Variants in C12orf42 observed in about 807,000 individuals in gnomAD.
C12orf42 encodes chromosome 12 open reading frame 42, also known as uncharacterized protein C12orf42.
C12orf42 carries 25 observed loss-of-function variants against 21.6 expected under a neutral mutation model. The observed-to-expected ratio is 1.16, with a 90% confidence interval of 0.84 to 1.62. The LOEUF (loss-of-function observed/expected upper bound fraction) is 1.62. Ranked by LOEUF, C12orf42 falls within the 40% of genes most tolerant of loss-of-function variation. The probability of loss-of-function intolerance (pLI) is 0.00; values close to 1 mark genes in which losing one functional copy is unlikely to be tolerated. For missense variants in C12orf42, 483 were observed against 459.3 expected (o/e 1.05, Z -0.47); for synonymous variants, 174 against 175.0 (o/e 0.99, Z 0.05).
the C12orf42 span, among the ~76,000 whole-genome samples, chr12:103,163,264 A>T: frequency 1.3e-5 from 2 of 152,236 alleles, no homozygotes; most frequent in Non-Finnish European, 2.9e-5. Flanking sequence ...GGCTAAATTG[A>T]TCCTGCTTCA....
chr12:103,425,932 C>T (rs7301460), intron 2 of C12orf42, among the ~76,000 whole-genome samples: 91,927 of 151,768 alleles, frequency 0.61, 29,258 homozygotes, highest in Admixed American at 0.72. Context: ...CAAAAAAGGA[C>T]GTCCACACAA....
At chr12:103,203,883 G>A in the C12orf42 span, among the ~76,000 whole-genome samples, 2 of 152,114 alleles carry the variant, frequency 1.3e-5, no homozygotes, top group African/African-American at 4.8e-5. Context: ...GCCAGAGAAT[G>A]GCAAAGATGT....
At chr12:103,115,730 T>G in the C12orf42 span, among the ~76,000 whole-genome samples, 1 of 152,216 alleles carries the variant, frequency 6.6e-6, no homozygotes, top group Non-Finnish European at 1.5e-5. Flanking sequence ...GACCCAGGCT[T>G]GCTTTTGTGA....
chr12:103,448,777 A>C (rs374334163), intron 2 of C12orf42, among the ~76,000 whole-genome samples: 3 of 149,714 alleles, frequency 2.0e-5, no homozygotes, highest in Non-Finnish European at 4.5e-5. Flanking sequence ...TGAAAAAATT[A>C]AAAAAAAAAT....
At chr12:103,146,560 A>AAAAGAAAGAAAGAAAGAAAGAATG in the C12orf42 span, among the ~76,000 whole-genome samples, 27 of 120,054 alleles carry the variant, frequency 2.2e-4, no homozygotes, top group Admixed American at 2.3e-3. Context: ...ATAAAGAAAG[A>AAAAGAAAGAAAGAAAGAAAGAATG]AAAGAAAGAA....
chr12:103,361,878 A>C (rs753485390), intron 4 of C12orf42, among the ~76,000 whole-genome samples: 2 of 152,010 alleles, frequency 1.3e-5, no homozygotes, highest in Non-Finnish European at 2.9e-5. Context: ...CTAAGTTCAG[A>C]CACACCTAAC....
intron 4 of C12orf42, among the ~76,000 whole-genome samples, chr12:103,296,326 G>A (rs1176518742): frequency 2.0e-5 from 3 of 152,018 alleles, no homozygotes; most frequent in African/African-American, 4.8e-5. Context: ...ATACACACAC[G>A]TGTGCATGTG....
At chr12:103,506,970 TA>T in the C12orf42 span, among the ~76,000 whole-genome samples, 13 of 6,508 alleles carry the variant, frequency 2.0e-3, 2 homozygotes, top group African/African-American at 0.03. Context: ...ATATTATATA[TA>T]AAATATATAT....
the C12orf42 span, among the ~76,000 whole-genome samples, chr12:103,214,537 CA>C: frequency 6.6e-6 from 1 of 152,004 alleles, no homozygotes; most frequent in Non-Finnish European, 1.5e-5. Flanking sequence ...CATCCTAATT[CA>C]AAAGACGGGC....
chr12:103,156,320 C>T, the C12orf42 span: 1 of 151,862 alleles, frequency 6.6e-6, no homozygotes, highest in East Asian at 1.9e-4. Flanking sequence ...ATGGTGGTTG[C>T]ATTTGGGGGT....
chr12:103,255,762 GAATATAT>G (rs537112824), intron 10 of C12orf42, among the ~76,000 whole-genome samples: 213 of 151,578 alleles, frequency 1.4e-3, no homozygotes, highest in African/African-American at 4.8e-3. Flanking sequence ...CTATTATAAA[GAATATAT>G]GGCCGGGCGC....
the C12orf42 span, among the ~76,000 whole-genome samples, chr12:103,079,144 A>G: frequency 6.6e-6 from 1 of 152,096 alleles, no homozygotes; most frequent in Non-Finnish European, 1.5e-5. Flanking sequence ...TGATATCAAA[A>G]AGTTTAAAAA....
the C12orf42 span, among the ~76,000 whole-genome samples, chr12:103,512,555 AATAAG>A: frequency 6.6e-6 from 1 of 152,238 alleles, no homozygotes; most frequent in Non-Finnish European, 1.5e-5. Flanking sequence ...CTATGCATGT[AATAAG>A]ATATCACATA....
intron 4 of C12orf42, among the ~76,000 whole-genome samples, chr12:103,349,961 T>A (rs928428132): frequency 6.6e-6 from 1 of 152,178 alleles, no homozygotes; most frequent in African/African-American, 2.4e-5. Context: ...TACTTTTTCA[T>A]GAATTTTTCA....
chr12:103,513,245 A>C, the C12orf42 span, among the ~76,000 whole-genome samples: 1 of 152,190 alleles, frequency 6.6e-6, no homozygotes, highest in African/African-American at 2.4e-5. Context: ...CTAGGGAAAA[A>C]GAACTCTCTT....
chr12:103,189,984 T>TAC, the C12orf42 span, among the ~76,000 whole-genome samples: 36 of 151,320 alleles, frequency 2.4e-4, no homozygotes, highest in African/African-American at 5.8e-4. Flanking sequence ...TATATATATA[T>TAC]ACACACACAC....
chr12:103,485,376 C>T (rs1954764056), intron 1 of C12orf42, among the ~76,000 whole-genome samples: 2 of 152,102 alleles, frequency 1.3e-5, no homozygotes, highest in African/African-American at 4.8e-5. Flanking sequence ...TTACTGTAGC[C>T]TTGTAGTTTA....
the C12orf42 span, among the ~76,000 whole-genome samples, chr12:103,150,428 G>A: frequency 6.6e-6 from 1 of 152,210 alleles, no homozygotes; most frequent in South Asian, 2.1e-4. Flanking sequence ...TTCTGAAAGT[G>A]ATTAGGTAAA....
At chr12:103,181,295 T>A in the C12orf42 span, among the ~76,000 whole-genome samples, 1 of 151,248 alleles carries the variant, frequency 6.6e-6, no homozygotes, top group Non-Finnish European at 1.5e-5. Flanking sequence ...TTAAAAAAAA[T>A]AAAAAATGAA....
Sources: allele counts gnomAD v4.1 joint callset (sites outside exome capture counted in the v4.1 genomes callset), GRCh38; gene constraint gnomAD v4.1.1; transcripts MANE v1.5; gene names NCBI Gene and HGNC (gene_info 2026-07-23, HGNC 2026-07-21).